The following IGHMBP2 variants were observed in gnomAD, a reference collection of about 807,000 sequenced individuals.
IGHMBP2 encodes immunoglobulin mu DNA binding protein 2.
Under a neutral mutation model 96.0 loss-of-function variants are expected in IGHMBP2, and 81 were observed. That is an observed-to-expected ratio of 0.84 (90% CI 0.71 to 1.01). The LOEUF is 1.01. Among genes scored for constraint, IGHMBP2 ranks in the 50% least tolerant of loss-of-function variants. IGHMBP2 has a pLI of 0.00. For missense variants in IGHMBP2, 1,227 were observed against 1,306.3 expected (o/e 0.94, Z 0.94); for synonymous variants, 557 against 548.9 (o/e 1.01, Z -0.21).
intron 5 of IGHMBP2, among the ~76,000 whole-genome samples, chr11:68,914,457 CAT>C: frequency 6.6e-6 from 1 of 152,280 alleles, no homozygotes; most frequent in African/African-American, 2.4e-5. Context: ...TGCAGGGGAG[CAT>C]ACAGATGGGC....
chr11:68,928,218 C>G (rs1272586452), intron 7 of IGHMBP2, among the ~76,000 whole-genome samples: 1 of 152,200 alleles, frequency 6.6e-6, no homozygotes, highest in Non-Finnish European at 1.5e-5. Flanking sequence ...TGTGGCCTTT[C>G]TGTTCCCTGC....
At position 68,938,289 on chromosome 11, in the gene IGHMBP2, A is replaced by G. The variant is rs1859630032; in HGVS notation, c.2719A>G (p.Thr907Ala). ...CGFAKCTAGV[T>A]TLGQFCQLCS... ...CTTTGCCAAGTGCACAGCCGGCGTC[A>G]CAACCCTGGGCCAGTTCTGCCAGCT... Residue 907 changes from threonine to alanine, a missense_variant, in exon 14 of 15, where the codon ACA (threonine) becomes GCA (alanine). Physicochemically the swap from Thr to Ala is moderately conservative, Grantham distance 58. Around this residue, in one of 3 missense-constraint regions of IGHMBP2, gnomAD observed 703 missense variants for 770.3 expected, o/e 0.91. Coordinates refer to ENST00000255078, the MANE Select transcript of IGHMBP2 (RefSeq NM_002180.3). 1 of 1,613,348 alleles carries G rather than the reference A, an allele frequency of 6.2e-7. No individual in the cohort carries two copies. The highest frequency in any genetic ancestry group is 2.2e-5 in the East Asian group (1 of 44,886).
At position 68,903,945 on chromosome 11, in the gene IGHMBP2, C is replaced by A. The variant is rs1016913219; in HGVS notation, c.-8C>A. On this transcript the variant is annotated 5_prime_UTR_variant, in exon 1 of 15. Transcript: ENST00000255078. ...GTCGGCTTCTAGGGGCCCAGGCCGG[C>A]GGCGGCGATGGCCTCGGCAGCTGTG... The A allele has an allele frequency of 1.3e-6, 2 of 1,578,162 alleles. No individual in the cohort carries two copies. The highest frequency in any genetic ancestry group is 2.7e-5 in the African/African-American group (2 of 74,022).
intron 7 of IGHMBP2, among the ~76,000 whole-genome samples, chr11:68,920,863 C>T (rs113769030): frequency 2.0e-5 from 3 of 152,196 alleles, no homozygotes; most frequent in Non-Finnish European, 2.9e-5. Context: ...CTTGCTGTAG[C>T]CTTGCATTCT....
chr11:68,906,362 T>C, intron 2 of IGHMBP2, 124 bp downstream of exon 2: 2 of 1,054,302 alleles, frequency 1.9e-6, no homozygotes, highest in Admixed American at 1.8e-5. Flanking sequence ...GAAGAACTCT[T>C]AATCAGAAGT....
At chr11:68,919,992 T>C (rs1365502668) in intron 7 of IGHMBP2, among the ~76,000 whole-genome samples, 19 of 152,200 alleles carry the variant, frequency 1.2e-4, no homozygotes, top group Non-Finnish European at 2.9e-5. Context: ...CATGTTGTTG[T>C]ACAGCAGATC....
At chr11:68,911,644 T>C in intron 5 of IGHMBP2, 41 bp downstream of exon 5, 2 of 1,603,176 alleles carry the variant, frequency 1.2e-6, no homozygotes, top group South Asian at 1.1e-5. Context: ...GCCCGTCCGC[T>C]CCTGGTCTGT....
chr11:68,940,159 G>A lies in IGHMBP2; in HGVS notation c.*428G>A, dbSNP rs1343316687. 1.1e-5 allele frequency: 2 copies of A among 190,304 alleles called. No individual in the cohort carries two copies. The highest frequency in any genetic ancestry group is 1.1e-4 in the South Asian group (1 of 9,142). 11.8% of individuals were successfully genotyped at this position (190,304 alleles called of 1,614,324 possible). On this transcript the variant is annotated 3_prime_UTR_variant, in exon 15 of 15. Coordinates refer to ENST00000255078, the MANE Select transcript of IGHMBP2 (RefSeq NM_002180.3). ...AACAGGAAACAAGACTGCGAATGGC[G>A]CTCAGGCAGGGAGCAGGGAGTGGCG... is the stretch of plus-strand genomic sequence containing the variant.
intron 13 of IGHMBP2, 78 bp from the exon 14 acceptor site, chr11:68,938,103 CA>C: frequency 6.7e-7 from 1 of 1,496,084 alleles, no homozygotes; most frequent in South Asian, 1.1e-5. Context: ...CGTGCTTAGC[CA>C]TGAATTGATT....
At chr11:68,930,653 T>A in intron 8 of IGHMBP2, 1 of 279,662 alleles carries the variant, frequency 3.6e-6, no homozygotes, top group Non-Finnish European at 5.4e-6. Flanking sequence ...CACCTTTGCC[T>A]CAGTTCTTGT....
chr11:68,912,786 T>C (rs886718009), intron 5 of IGHMBP2, among the ~76,000 whole-genome samples: 2 of 151,896 alleles, frequency 1.3e-5, no homozygotes, highest in Non-Finnish European at 2.9e-5. Flanking sequence ...ACACCTGTAT[T>C]CTCAGTACTT....
rs757799498 is a variant in IGHMBP2, at chr11:68,911,542, G to A, written c.650G>A (p.Gly217Asp). Residue 217 changes from glycine to aspartate, a missense_variant, in exon 5 of 15, where the codon GGC becomes GAC. Around this residue, in one of 3 missense-constraint regions of IGHMBP2, gnomAD observed 507 missense variants for 496.9 expected, o/e 1.02. Transcript: ENST00000255078. ...KELAIIHGPPGTGKTTTVVEI... is the reference protein window; with the variant it reads ...KELAIIHGPPDTGKTTTVVEI... ...CTTGCCATCATCCATGGACCTCCTG[G>A]CACTGGGAAAACCACGACTGTGGTT... 2 of 1,614,174 alleles carry A rather than the reference G, an allele frequency of 1.2e-6. No individual in the cohort carries two copies.
At chr11:68,912,800 G>A (rs1371813642) in intron 5 of IGHMBP2, among the ~76,000 whole-genome samples, 1 of 151,892 alleles carries the variant, frequency 6.6e-6, no homozygotes, top group Non-Finnish European at 1.5e-5. Context: ...AGTACTTTGG[G>A]AGGCTGAGGC....
rs752495359 is a variant in IGHMBP2, at chr11:68,936,313, C to T, written c.1833C>T (p.Ile611=). ...GTGCCCGACGCCACGTGGCGGTCAT[C>T]TGTGACTCCCGTACTGTCAACAACC... ...VTRARRHVAV[I]CDSRTVNNHA... The change falls in exon 13 of 15, where the codon ATC becomes ATT. Residue 611 remains isoleucine, a synonymous_variant. Transcript: ENST00000255078. 1 of 1,614,236 alleles carries T rather than the reference C, an allele frequency of 6.2e-7. No individual in the cohort carries two copies. The highest frequency in any genetic ancestry group is 2.2e-5 in the East Asian group (1 of 44,890).
At chr11:68,906,830 C>T (rs187913439) in intron 2 of IGHMBP2, among the ~76,000 whole-genome samples, 169 of 151,864 alleles carry the variant, frequency 1.1e-3, no homozygotes, top group African/African-American at 3.6e-3. Context: ...TTAGTAGAGA[C>T]GGGGTTTCTC....
intron 6 of IGHMBP2, among the ~76,000 whole-genome samples, chr11:68,917,368 A>G (rs1171440653): frequency 6.6e-6 from 1 of 152,158 alleles, no homozygotes; most frequent in Non-Finnish European, 1.5e-5. Flanking sequence ...GTAGAATAAT[A>G]TGTGAAGCTC....
In IGHMBP2 at chr11:68,934,444, C is replaced by T. The variant is rs147148090; in HGVS notation, c.1538-20C>T. The T allele has an allele frequency of 4.3e-3, 6,734 of 1,578,120 alleles. 76 individuals are homozygous for T. Among genetic ancestry groups the T allele is most frequent in the South Asian group, 0.028 (2,445 of 87,672 alleles). On this transcript the variant is annotated intron_variant, in intron 10 of 14. Coordinates refer to ENST00000255078, the MANE Select transcript of IGHMBP2 (RefSeq NM_002180.3). ...TTGGGGCGACCTTGTGCTGCTCACC[C>T]GTTCTTTCTTTCCCTCCAGGCGAAG...
chr11:68,904,109 C>A, intron 1 of IGHMBP2, 71 bp downstream of exon 1: 3 of 1,270,706 alleles, frequency 2.4e-6, no homozygotes, highest in Non-Finnish European at 3.4e-6. Context: ...CTCCGAGGGG[C>A]TCGGCCTCAT....
intron 2 of IGHMBP2, among the ~76,000 whole-genome samples, chr11:68,907,656 G>A (rs760596512): frequency 2.0e-5 from 3 of 152,294 alleles, no homozygotes; most frequent in Admixed American, 6.5e-5. Flanking sequence ...AAGATGAGAT[G>A]AGGGTATTGA....
Sources: allele counts gnomAD v4.1 joint callset (sites outside exome capture counted in the v4.1 genomes callset), GRCh38; gene constraint gnomAD v4.1.1; regional missense constraint gnomAD v4.1.1; transcripts MANE v1.5; gene names NCBI Gene and HGNC (gene_info 2026-07-23, HGNC 2026-07-21).